LSAMP: variants seen among roughly 807,000 people sequenced by gnomAD.
The protein encoded by LSAMP is limbic system associated membrane protein.
LSAMP carries 7 observed loss-of-function variants against 38.6 expected under a neutral mutation model. That is an observed-to-expected ratio of 0.18 (90% confidence interval 0.10 to 0.34). The LOEUF is 0.34. Among genes scored for constraint, LSAMP ranks in the 10% least tolerant of loss-of-function variants. LSAMP has a pLI of 1.00. For missense variants in LSAMP, 313 were observed against 420.0 expected (o/e 0.75, Z 2.23); for synonymous variants, 154 against 166.8 (o/e 0.92, Z 0.59).
At chr3:115,884,973 G>T (rs1402654550) in intron 3 of LSAMP, among the ~76,000 whole-genome samples, 3 of 151,908 alleles carry the variant, frequency 2.0e-5, no homozygotes, top group African/African-American at 7.2e-5. Context: ...TAGGTAGTAT[G>T]TACAAAATAC....
chr3:116,233,536 A>G (rs1346539350), intron 1 of LSAMP, among the ~76,000 whole-genome samples: 2 of 151,738 alleles, frequency 1.3e-5, no homozygotes, highest in Admixed American at 6.6e-5. Context: ...ACTGTAAATT[A>G]TAGTCACCAC....
At chr3:116,084,126 GC>G (rs1188691129) in intron 2 of LSAMP, among the ~76,000 whole-genome samples, 1 of 151,978 alleles carries the variant, frequency 6.6e-6, no homozygotes, top group Non-Finnish European at 1.5e-5. Flanking sequence ...TGAACTTCAA[GC>G]TTTTGCATAT....
chr3:115,950,856 A>G (rs1401017530), intron 3 of LSAMP, among the ~76,000 whole-genome samples: 2 of 151,966 alleles, frequency 1.3e-5, no homozygotes, highest in Admixed American at 1.3e-4. Context: ...CCAAATTCAA[A>G]CTATACTACA....
intron 1 of LSAMP, among the ~76,000 whole-genome samples, chr3:116,205,650 A>G (rs1308791463): frequency 1.4e-4 from 6 of 41,398 alleles, no homozygotes; most frequent in Admixed American, 6.1e-4. Context: ...TTCTGCATCT[A>G]TTGAGATAAT....
At chr3:116,240,942 A>G (rs1207218836) in intron 1 of LSAMP, among the ~76,000 whole-genome samples, 1 of 151,438 alleles carries the variant, frequency 6.6e-6, no homozygotes, top group Non-Finnish European at 1.5e-5. Flanking sequence ...TTGGGAGACC[A>G]AGGCTGGCGG....
At chr3:116,316,877 A>G (rs1474903940) in intron 1 of LSAMP, among the ~76,000 whole-genome samples, 1 of 152,184 alleles carries the variant, frequency 6.6e-6, no homozygotes, top group Non-Finnish European at 1.5e-5. Flanking sequence ...AAATGAAATA[A>G]AAGAGGATTA....
intron 2 of LSAMP, among the ~76,000 whole-genome samples, chr3:116,056,025 G>A (rs1219035452): frequency 6.6e-6 from 1 of 152,024 alleles, no homozygotes; most frequent in African/African-American, 2.4e-5. Context: ...CATTAAGCCT[G>A]GAGGCTTGCC....
chr3:116,077,338 T>G (rs532838146), intron 2 of LSAMP, among the ~76,000 whole-genome samples: 1 of 152,150 alleles, frequency 6.6e-6, no homozygotes, highest in East Asian at 1.9e-4. Context: ...CATCTATACT[T>G]AGCTCACTAA....
rs1372196942 is a variant in LSAMP at position 115,868,069 on chromosome 3, G to C, written c.515-15452C>G. Among the ~76,000 whole-genome samples, 3 of 152,094 alleles carry C rather than the reference G, an allele frequency of 2.0e-5. No individual in the cohort carries two copies. The East Asian group carries it at 5.8e-4, about 29-fold the overall frequency. On this transcript the variant is annotated intron_variant, in intron 3 of 6. Transcript: ENST00000490035. ...CCTAATATAGTTACAGTTGGTCTAA[G>C]GGCTTTAGATTTAGGCTTGGGCAGA... is the stretch of plus-strand genomic sequence containing the variant.
At chr3:115,903,817 C>G (rs529566180) in intron 3 of LSAMP, among the ~76,000 whole-genome samples, 1 of 152,074 alleles carries the variant, frequency 6.6e-6, no homozygotes, top group Non-Finnish European at 1.5e-5. Context: ...GATTACTATG[C>G]CTTAAGACAC....
intron 3 of LSAMP, among the ~76,000 whole-genome samples, chr3:115,941,307 G>A (rs896591924): frequency 7.2e-5 from 11 of 152,156 alleles, no homozygotes; most frequent in African/African-American, 2.4e-4. Context: ...TTGGAAAAAA[G>A]GGAACCTTGC....
At chr3:116,149,951 T>C (rs1211598639) in intron 1 of LSAMP, among the ~76,000 whole-genome samples, 2 of 152,162 alleles carry the variant, frequency 1.3e-5, no homozygotes, top group East Asian at 1.9e-4. Context: ...AACTGTAGCA[T>C]TGAATATTAC....
chr3:116,179,044 G>A (rs1179891236), intron 1 of LSAMP, among the ~76,000 whole-genome samples: 8 of 147,954 alleles, frequency 5.4e-5, no homozygotes, highest in African/African-American at 2.0e-4. Context: ...AAAAAAAAAT[G>A]CCTCTTAACA....
At chr3:116,083,085 G>A (rs1707907131) in intron 2 of LSAMP, among the ~76,000 whole-genome samples, 2 of 152,054 alleles carry the variant, frequency 1.3e-5, no homozygotes, top group African/African-American at 4.8e-5. Flanking sequence ...AGATGTTAAG[G>A]AAAAGGACAG....
At chr3:115,813,372 A>T (rs1447028259) in intron 6 of LSAMP, among the ~76,000 whole-genome samples, 1 of 152,156 alleles carries the variant, frequency 6.6e-6, no homozygotes, top group African/African-American at 2.4e-5. Context: ...GGAATAGGCT[A>T]TACCATATAT....
intron 2 of LSAMP, among the ~76,000 whole-genome samples, chr3:116,063,288 A>G (rs2107360374): frequency 6.6e-6 from 1 of 152,356 alleles, no homozygotes; most frequent in East Asian, 1.9e-4. Flanking sequence ...TGAATTACAC[A>G]CAATACAATT....
At chr3:116,138,547 T>C (rs1159323807) in intron 1 of LSAMP, among the ~76,000 whole-genome samples, 1 of 152,070 alleles carries the variant, frequency 6.6e-6, no homozygotes, top group Non-Finnish European at 1.5e-5. Context: ...TTAGGGACTG[T>C]TGTCAGAGAT....
chr3:116,236,993 G>GGTAT (rs2046473276), intron 1 of LSAMP, among the ~76,000 whole-genome samples: 1 of 149,692 alleles, frequency 6.7e-6, no homozygotes, highest in African/African-American at 2.5e-5. Flanking sequence ...CACATACATA[G>GGTAT]GTATATTTAT....
At chr3:116,094,338 C>CTGCTATCT (rs1321257492) in intron 1 of LSAMP, among the ~76,000 whole-genome samples, 5 of 152,314 alleles carry the variant, frequency 3.3e-5, no homozygotes, top group African/African-American at 1.2e-4. Context: ...CACCTGACCT[C>CTGCTATCT]TGGTTGGACC....
Sources: gnomAD v4.1 joint callset for allele counts (sites outside exome capture counted in the v4.1 genomes callset) on GRCh38, gnomAD v4.1.1 for gene constraint, MANE v1.5 for transcripts, NCBI Gene and HGNC (gene_info 2026-07-23, HGNC 2026-07-21) for gene names.